Variants in SIGLEC11 observed in about 807,000 individuals in gnomAD.
SIGLEC11 encodes the protein sialic acid binding Ig like lectin 11.
SIGLEC11 carries 47 observed loss-of-function variants against 61.2 expected under a neutral mutation model. The ratio of observed to expected loss-of-function variants is 0.77; its 90% CI spans 0.61 to 0.98. The LOEUF is 0.98. Ranked by LOEUF, SIGLEC11 falls within the 50% of genes least tolerant of loss-of-function variation. The pLI is 0.00. For missense variants in SIGLEC11, 610 were observed against 870.3 expected (o/e 0.70, Z 3.76); for synonymous variants, 278 against 373.1 (o/e 0.75, Z 2.94).
intron 9 of SIGLEC11, 145 bp from the exon 10 acceptor site, chr19:49,952,117 C>G (rs1437639992): frequency 9.8e-7 from 1 of 1,019,500 alleles, no homozygotes; most frequent in African/African-American, 1.6e-5. Context: ...ATAGTGAGAA[C>G]TGGGGACCCT....
intron 10 of SIGLEC11, 91 bp from the exon 11 acceptor site, chr19:49,950,327 T>A (rs1568742743): frequency 7.6e-7 from 1 of 1,309,836 alleles, no homozygotes; most frequent in Non-Finnish European, 9.9e-7. Context: ...AAATTGAGTA[T>A]TTCCTGTTTC....
rs775757392 is a variant in SIGLEC11, at chr19:49,950,057, C to T, written c.2010G>A (p.Glu670=). ...GGGGCTGTCCTGTGTGGATCTTGATCTCCGAGTACTCGGTGGTGCTGGGGG... is the reference window on the plus strand; with the variant it reads ...GGGGCTGTCCTGTGTGGATCTTGATTTCCGAGTACTCGGTGGTGCTGGGGG... ...QEAPSTTEYS[E]IKIHTGQPLR... is the part of the protein sequence containing the mutation. Residue 670 remains glutamate, a synonymous_variant, in exon 11 of 11, where the codon GAG becomes GAA. Transcript: ENST00000447370. The T allele has an allele frequency of 1.3e-5, 20 of 1,587,696 alleles. No individual in the cohort carries two copies. The highest frequency in any genetic ancestry group is 1.7e-4 in the Middle Eastern group (1 of 5,980).
In SIGLEC11 at chr19:49,959,352, A is replaced by G; in HGVS notation, c.1057+8T>C. The G allele has an allele frequency of 1.2e-6, 2 of 1,601,256 alleles. No individual in the cohort carries two copies. Among genetic ancestry groups the G allele is most frequent in the Non-Finnish European group, 8.5e-7 (1 of 1,179,476 alleles). ...AATGGACTCCAGGCCCCTGCTAGGC[A>G]CACTCACACTGCACAGAGAGGTCCA... is the stretch of plus-strand genomic sequence containing the variant. On this transcript the variant is annotated splice_region_variant and intron_variant, in intron 5 of 10. Transcript: ENST00000447370.
chr19:49,954,647 G>A (rs1373653694), intron 8 of SIGLEC11, among the ~76,000 whole-genome samples: 1 of 152,180 alleles, frequency 6.6e-6, no homozygotes, highest in Non-Finnish European at 1.5e-5. Flanking sequence ...AGCTCTTATA[G>A]ATCTGACGCA....
At chr19:49,954,302 C>G (rs893473534) in intron 8 of SIGLEC11, among the ~76,000 whole-genome samples, 1 of 152,180 alleles carries the variant, frequency 6.6e-6, no homozygotes, top group African/African-American at 2.4e-5. Flanking sequence ...CCCCCCTTTA[C>G]TGAGGCCAAC....
Position 49,960,766 on chromosome 19 carries a change from C to A in SIGLEC11, c.246G>T (p.Thr82=). 1 of 1,613,320 alleles carries A rather than the reference C, an allele frequency of 6.2e-7. No homozygotes were observed. Among genetic ancestry groups the A allele is most frequent in the South Asian group, 1.1e-5 (1 of 91,026 alleles). ...YWFKGRTSPK[T]GAPVATNNQS... ...GGTTGTTAGTGGCCACAGGAGCACC[C>A]GTCTTTGGGCTGGTCCGTCCTTTGA... Residue 82 remains threonine (T), a synonymous_variant, in exon 2 of 11, where the codon ACG becomes ACT. Transcript: ENST00000447370.
At position 49,950,038 on chromosome 19, in the gene SIGLEC11, G is replaced by C. The variant is rs1397736894; in HGVS notation, c.2029C>G (p.Gln677Glu). The C allele has an allele frequency of 6.2e-7, 1 of 1,600,842 alleles. No homozygotes were observed. The highest frequency in any genetic ancestry group is 8.5e-7 in the Non-Finnish European group (1 of 1,171,352). The change falls in exon 11 of 11, where the codon CAG becomes GAG. Residue 677 changes from glutamine (Q) to glutamate (E), a missense_variant. Physicochemically the swap from Gln to Glu is conservative, Grantham distance 29. This residue lies in a region of SIGLEC11 where 432 missense variants were observed against 441.5 expected (regional missense o/e 0.98). Transcript: ENST00000447370. Reference protein sequence around the residue: ...EYSEIKIHTGQPLRGPGFGLQ... With the variant: ...EYSEIKIHTGEPLRGPGFGLQ... ...CCAAAGCCTGGGCCCCTCAGGGGCT[G>C]TCCTGTGTGGATCTTGATCTCCGAG...
Position 49,959,090 on chromosome 19 carries a change from C to T in SIGLEC11, c.1058-13G>A. On this transcript the variant is annotated splice_polypyrimidine_tract_variant and intron_variant, in intron 5 of 10. Transcript: ENST00000447370. ...TTCTCTGGAGGATCTGAAATGGAGA[C>T]AGGGGACCGGCTCTAGACAGACCAG... 6.2e-7 allele frequency: 1 copy of T among 1,613,860 alleles called. No homozygotes were observed. Among genetic ancestry groups the T allele is most frequent in the Non-Finnish European group, 8.5e-7 (1 of 1,179,830 alleles).
chr19:49,956,837 A>G (rs2076199785), intron 8 of SIGLEC11, among the ~76,000 whole-genome samples: 1 of 152,174 alleles, frequency 6.6e-6, no homozygotes, highest in Non-Finnish European at 1.5e-5. Flanking sequence ...AAAAATGAAG[A>G]ATGTTATCTA....
chr19:49,952,328 A>AGCAGGGCAGCGACGCCAGCTC lies in SIGLEC11; in HGVS notation c.1697_1717dup (p.Leu572_Leu573insArgAlaGlyValAlaAlaLeu). 6.2e-7 allele frequency: 1 copy of AGCAGGGCAGCGACGCCAGCTC among 1,612,034 alleles called. No individual in the cohort carries two copies. Among genetic ancestry groups the AGCAGGGCAGCGACGCCAGCTC allele is most frequent in the Non-Finnish European group, 8.5e-7 (1 of 1,179,970 alleles). On this transcript the variant is annotated inframe_insertion, in exon 9 of 11. Coordinates refer to ENST00000447370, the MANE Select transcript of SIGLEC11 (RefSeq NM_052884.3). ...GACGACAAGGCAGGAACAGAAAGCGAGCAGGGCAGCGACGCCAGCTCCCAG... is the reference window on the plus strand; with the variant it reads ...GACGACAAGGCAGGAACAGAAAGCGAGCAGGGCAGCGACGCCAGCTCGCAGGGCAGCGACGCCAGCTCCCAG...
intron 8 of SIGLEC11, 91 bp downstream of exon 8, chr19:49,958,192 C>A: frequency 6.4e-7 from 1 of 1,568,474 alleles, no homozygotes; most frequent in Non-Finnish European, 8.6e-7. Context: ...TCCCACCACG[C>A]CCACACCCTC....
In SIGLEC11 at chr19:49,959,094, G is replaced by GGACC; in HGVS notation, c.1058-21_1058-18dup. ...CTGGAGGATCTGAAATGGAGACAGGGGACCGGCTCTAGACAGACCAGGGGC... is the reference window on the plus strand; with the variant it reads ...CTGGAGGATCTGAAATGGAGACAGGGGACCGACCGGCTCTAGACAGACCAGGGGC... On this transcript the variant is annotated splice_polypyrimidine_tract_variant and intron_variant, in intron 5 of 10. Coordinates refer to ENST00000447370, the MANE Select transcript of SIGLEC11 (RefSeq NM_052884.3). 6.2e-7 allele frequency: 1 copy of GGACC among 1,613,802 alleles called. No homozygotes were observed. Among genetic ancestry groups the GGACC allele is most frequent in the Non-Finnish European group, 8.5e-7 (1 of 1,179,816 alleles).
chr19:49,959,019 T>G lies in SIGLEC11; in HGVS notation c.1105+11A>C. 6.2e-7 allele frequency: 1 copy of G among 1,613,800 alleles called. No individual in the cohort carries two copies. The stretch of plus-strand genomic sequence containing the variant: ...ACTGAGAGGCCCTGGCTCCTCTGTC[T>G]CCTTTCCTACCTGTCCTGTTTGCTT... On this transcript the variant is annotated intron_variant, in intron 6 of 10. Transcript: ENST00000447370.
rs969706858 is a variant in SIGLEC11 at position 49,950,246 on chromosome 19, G to A, written c.1831-10C>T. 1 of 1,548,862 alleles carries A rather than the reference G, an allele frequency of 6.5e-7. No homozygotes were observed. The highest frequency in any genetic ancestry group is 1.8e-5 in the Admixed American group (1 of 54,702). On this transcript the variant is annotated splice_polypyrimidine_tract_variant and intron_variant, in intron 10 of 10. Coordinates refer to ENST00000447370, the MANE Select transcript of SIGLEC11 (RefSeq NM_052884.3). ...ATTCATGCTGGTGACCCTGAATGCA[G>A]GGGAGAAAGGGGGTCAAATTAGGGT...
Position 49,959,025 on chromosome 19 carries a change from C to T in SIGLEC11, c.1105+5G>A, listed in dbSNP as rs1380372413. 6.2e-7 allele frequency: 1 copy of T among 1,613,880 alleles called. No homozygotes were observed. The highest frequency in any genetic ancestry group is 8.5e-7 in the Non-Finnish European group (1 of 1,179,818). On this transcript the variant is annotated splice_donor_5th_base_variant and intron_variant, in intron 6 of 10. Transcript: ENST00000447370. Reference sequence around the variant, plus strand: ...AGGCCCTGGCTCCTCTGTCTCCTTTCCTACCTGTCCTGTTTGCTTGGGAAA... The same window carrying T: ...AGGCCCTGGCTCCTCTGTCTCCTTTTCTACCTGTCCTGTTTGCTTGGGAAA...
chr19:49,955,480 T>G lies in SIGLEC11; in HGVS notation c.1651+2803A>C, dbSNP rs2076189563. Among the ~76,000 whole-genome samples, 1 of 151,198 alleles carries G rather than the reference T, an allele frequency of 6.6e-6. No homozygotes were observed. Among genetic ancestry groups the G allele is most frequent in the African/African-American group, 2.4e-5 (1 of 41,024 alleles). ...AAAAAGAAAAATCAGAAAGAAACAG[T>G]AAAGATAGATGGCAGTGCGTGCGTG... On this transcript the variant is annotated intron_variant, in intron 8 of 10. Coordinates refer to ENST00000447370, the MANE Select transcript of SIGLEC11 (RefSeq NM_052884.3). This position sits in a 1 kb window ranked among gnomAD's most constrained non-coding sequence, Gnocchi z 4.5.
At chr19:49,959,285 T>C in intron 5 of SIGLEC11, 75 bp downstream of exon 5, 1 of 1,583,904 alleles carries the variant, frequency 6.3e-7, no homozygotes, top group South Asian at 1.1e-5. Flanking sequence ...CCCCCTCAGC[T>C]CTGGGACCCT....
rs1218372966 is a variant in SIGLEC11, at chr19:49,961,117, C to T, written c.-36G>A. 5 of 1,501,102 alleles carry T rather than the reference C, an allele frequency of 3.3e-6. No homozygotes were observed. The highest frequency in any genetic ancestry group is 1.5e-5 in the African/African-American group (1 of 68,586). 93.0% of individuals were successfully genotyped at this position (1,501,102 alleles called of 1,614,324 possible). On this transcript the variant is annotated 5_prime_UTR_variant, in exon 1 of 11. Coordinates refer to ENST00000447370, the MANE Select transcript of SIGLEC11 (RefSeq NM_052884.3). ...GGCCGGCCTGGCTGGGAAGGAAACT[C>T]CTCCAGCAGGAAGCCTGGTGGAGGG...
rs74605432 is a variant in SIGLEC11 at position 49,953,992 on chromosome 19, T to A, written c.1652-1598A>T. Reference sequence around the variant, plus strand: ...ATGGCTGACCGAAGAAACTGTAGACTAGGAAACAATTGGGCATGTATTAAA... The same window carrying A: ...ATGGCTGACCGAAGAAACTGTAGACAAGGAAACAATTGGGCATGTATTAAA... On this transcript the variant is annotated intron_variant, in intron 8 of 10. Transcript: ENST00000447370. Among the ~76,000 whole-genome samples the A allele has an allele frequency of 8.2e-3, 1,253 of 152,254 alleles. 47 individuals carry two copies. The highest frequency in any genetic ancestry group is 0.063 in the Admixed American group (962 of 15,298).
Sources: gnomAD v4.1 joint callset for allele counts (sites outside exome capture counted in the v4.1 genomes callset) on GRCh38, gnomAD v4.1.1 for gene constraint, gnomAD v4.1.1 regional missense constraint, Gnocchi (gnomAD v3.1) non-coding constraint, MANE v1.5 for transcripts, NCBI Gene and HGNC (gene_info 2026-07-23, HGNC 2026-07-21) for gene names.